GRK4: variants seen among roughly 807,000 people sequenced by gnomAD.
GRK4 encodes the protein G protein-coupled receptor kinase 4.
GRK4 carries 73 observed loss-of-function variants against 77.9 expected under a neutral mutation model. The observed-to-expected ratio is 0.94, with a 90% CI of 0.78 to 1.14. GRK4 has a LOEUF of 1.14. Among genes scored for constraint, GRK4 ranks in the 50% most tolerant of loss-of-function variants. The pLI, the probability that GRK4 is intolerant of heterozygous loss-of-function variation, is 0.00. For synonymous variants in GRK4, 257 were observed against 254.4 expected (o/e 1.01, Z -0.10); for missense variants, 729 against 700.2 (o/e 1.04, Z -0.46).
At chr4:3,019,372 T>C (rs899936370) in intron 8 of GRK4, among the ~76,000 whole-genome samples, 1 of 152,182 alleles carries the variant, frequency 6.6e-6, no homozygotes, top group Non-Finnish European at 1.5e-5. Flanking sequence ...AGAGGAGTCA[T>C]GATCCCAAGT....
intron 1 of GRK4, among the ~76,000 whole-genome samples, chr4:2,975,409 A>G (rs1720821384): frequency 6.6e-6 from 1 of 152,116 alleles, no homozygotes; most frequent in African/African-American, 2.4e-5. Context: ...CCCTCCTCAT[A>G]CCTAATATAC....
At position 3,038,450 on chromosome 4, in the gene GRK4, G is replaced by A; in HGVS notation, c.1620G>A (p.Lys540=). 6.2e-7 allele frequency: 1 copy of A among 1,613,764 alleles called. No individual in the cohort carries two copies. The highest frequency in any genetic ancestry group is 1.1e-5 in the South Asian group (1 of 91,070). Residue 540 remains lysine (K), a synonymous_variant, in exon 15 of 16, where the codon AAG becomes AAA. Coordinates refer to ENST00000398052, the MANE Select transcript of GRK4 (RefSeq NM_182982.3). ...AAGCTTTGCCATTAGATCTAGACAA[G>A]AACATACATACCCCGGTTTCCAGAC... The part of the protein sequence containing the change: ...SEEALPLDLD[K]NIHTPVSRPN...
chr4:3,000,545 T>G (rs1729203921), intron 4 of GRK4, among the ~76,000 whole-genome samples: 1 of 106,050 alleles, frequency 9.4e-6, no homozygotes, highest in African/African-American at 4.5e-5. Context: ...TTTCTTTCTT[T>G]TTTCTTTTCT....
chr4:2,992,688 A>G (rs997978292), intron 4 of GRK4, among the ~76,000 whole-genome samples: 11 of 152,086 alleles, frequency 7.2e-5, no homozygotes, highest in Non-Finnish European at 8.8e-5. Flanking sequence ...TCTTAAAAAA[A>G]TAAAAAGTAA....
chr4:3,034,921 G>A (rs970203231), intron 12 of GRK4, among the ~76,000 whole-genome samples: 4 of 152,114 alleles, frequency 2.6e-5, no homozygotes, highest in Non-Finnish European at 5.9e-5. Flanking sequence ...AATTTAATGA[G>A]TAAAGTCTGA....
chr4:2,968,907 C>T (rs561428244), intron 1 of GRK4, among the ~76,000 whole-genome samples: 3 of 152,058 alleles, frequency 2.0e-5, no homozygotes, highest in South Asian at 4.2e-4. Flanking sequence ...GGAGAGAGCA[C>T]CAATTGGCTG....
At chr4:3,020,422 T>G (rs1460674719) in intron 9 of GRK4, among the ~76,000 whole-genome samples, 1 of 152,222 alleles carries the variant, frequency 6.6e-6, no homozygotes, top group East Asian at 1.9e-4. Context: ...CCAAGGTTCT[T>G]AGGTATGTTG....
chr4:3,009,591 C>A, intron 6 of GRK4, 57 bp from the exon 7 acceptor site: 1 of 1,380,186 alleles, frequency 7.2e-7, no homozygotes, highest in East Asian at 2.3e-5. Flanking sequence ...GTAAACTTTT[C>A]TTTTTTAAAA....
chr4:2,988,001 G>C (rs933958347), intron 2 of GRK4, among the ~76,000 whole-genome samples: 1 of 149,054 alleles, frequency 6.7e-6, no homozygotes, highest in Admixed American at 6.8e-5. Context: ...GCTTGAACCC[G>C]GGAGGTAGAG....
intron 12 of GRK4, among the ~76,000 whole-genome samples, chr4:3,029,732 A>T (rs538731869): frequency 2.0e-5 from 3 of 147,170 alleles, no homozygotes; most frequent in Non-Finnish European, 4.5e-5. Context: ...GGGAGGACAC[A>T]TGTGCTCAGG....
intron 3 of GRK4, among the ~76,000 whole-genome samples, chr4:2,991,878 A>C (rs1398343004): frequency 1.3e-5 from 2 of 152,046 alleles, no homozygotes; most frequent in African/African-American, 4.8e-5. Context: ...ATTGCTCTAA[A>C]ACTTCATTAA....
intron 10 of GRK4, among the ~76,000 whole-genome samples, chr4:3,025,270 CAAAA>C (rs1210467737): frequency 1.5e-5 from 1 of 66,688 alleles, no homozygotes; most frequent in Admixed American, 1.7e-4. Flanking sequence ...GACTCTGTCT[CAAAA>C]AAAAAAAAAA....
intron 4 of GRK4, among the ~76,000 whole-genome samples, chr4:2,998,530 A>G (rs868770777): frequency 1.3e-5 from 2 of 152,192 alleles, no homozygotes; most frequent in Non-Finnish European, 2.9e-5. Flanking sequence ...ATACTAAGTC[A>G]CTATACAAAA....
chr4:2,995,864 C>G (rs974891260), intron 4 of GRK4, among the ~76,000 whole-genome samples: 2 of 151,988 alleles, frequency 1.3e-5, no homozygotes, highest in African/African-American at 4.8e-5. Context: ...AACAATGATC[C>G]ACTGATCATT....
chr4:3,023,623 C>G (rs1401004742), intron 10 of GRK4, among the ~76,000 whole-genome samples: 1 of 152,220 alleles, frequency 6.6e-6, no homozygotes, highest in Non-Finnish European at 1.5e-5. Context: ...AGGAATCAGA[C>G]TTGTCCAAGG....
At chr4:2,969,533 C>G (rs1185267414) in intron 1 of GRK4, among the ~76,000 whole-genome samples, 1 of 151,972 alleles carries the variant, frequency 6.6e-6, no homozygotes, top group Non-Finnish European at 1.5e-5. Context: ...TGCACTACCA[C>G]GCCCGGCTAA....
At chr4:2,965,327 C>T (rs771041242) in intron 1 of GRK4, 2 of 703,072 alleles carry the variant, frequency 2.8e-6, no homozygotes, top group South Asian at 3.0e-5. Flanking sequence ...TCCTCTGTCT[C>T]GGACCTCATG....
chr4:2,995,463 G>C (rs1453268466), intron 4 of GRK4, among the ~76,000 whole-genome samples: 4 of 146,952 alleles, frequency 2.7e-5, no homozygotes, highest in Non-Finnish European at 6.0e-5. Context: ...GAGGTTAGGA[G>C]TTCGAGACCA....
chr4:2,967,770 A>G, intron 1 of GRK4, among the ~76,000 whole-genome samples: 1 of 150,630 alleles, frequency 6.6e-6, no homozygotes, highest in East Asian at 2.0e-4. Context: ...CATAGATCAT[A>G]TTGTTAATAA....
Sources: gnomAD v4.1 joint callset for allele counts (sites outside exome capture counted in the v4.1 genomes callset) on GRCh38, gnomAD v4.1.1 for gene constraint, MANE v1.5 for transcripts, NCBI Gene and HGNC (gene_info 2026-07-23, HGNC 2026-07-21) for gene names.